The following HUNK variants were observed in gnomAD, a reference collection of about 807,000 sequenced individuals.
HUNK encodes hormonally up-regulated Neu-associated kinase, also known as hormonally up-regulated neu tumor-associated kinase.
In HUNK, 21 loss-of-function variants were observed where a neutral mutation model predicts 61.0. The observed-to-expected ratio is 0.34, with a 90% CI of 0.24 to 0.50. HUNK has a LOEUF of 0.50. Among genes scored for constraint, HUNK ranks in the 20% least tolerant of loss-of-function variants. The probability of loss-of-function intolerance (pLI) is 0.98; values close to 1 mark genes in which losing one functional copy is unlikely to be tolerated. For missense variants in HUNK, 772 were observed against 945.7 expected (o/e 0.82, Z 2.41); for synonymous variants, 371 against 386.1 (o/e 0.96, Z 0.46).
At chr21:31,880,281 C>T (rs927709509) in intron 1 of HUNK, among the ~76,000 whole-genome samples, 6 of 152,186 alleles carry the variant, frequency 3.9e-5, no homozygotes, top group African/African-American at 7.2e-5. Context: ...TAGATCTTCT[C>T]TCTGACATTC....
At chr21:31,973,405 T>C (rs1047630802) in intron 6 of HUNK, among the ~76,000 whole-genome samples, 1 of 152,044 alleles carries the variant, frequency 6.6e-6, no homozygotes, top group Non-Finnish European at 1.5e-5. Context: ...GAAGATGCGG[T>C]GTTTGGTTTT....
At chr21:31,944,360 T>C (rs1003201739) in intron 3 of HUNK, among the ~76,000 whole-genome samples, 10 of 152,262 alleles carry the variant, frequency 6.6e-5, no homozygotes, top group African/African-American at 2.4e-4. Context: ...ATTACAGGCA[T>C]GGGCCACTGT....
chr21:31,931,068 C>CAAAAA (rs10673838), intron 2 of HUNK, among the ~76,000 whole-genome samples: 18 of 75,098 alleles, frequency 2.4e-4, no homozygotes, highest in Admixed American at 7.8e-4. Context: ...AAGACCTAAC[C>CAAAAA]AAAAAAAAAA....
chr21:31,969,879 A>AT (rs1261164016), intron 6 of HUNK, among the ~76,000 whole-genome samples: 1 of 151,858 alleles, frequency 6.6e-6, no homozygotes, highest in Admixed American at 6.6e-5. Context: ...TTCCTTGTAT[A>AT]TTTTTTTCTA....
chr21:31,909,610 G>A lies in HUNK; in HGVS notation c.262-14858G>A, dbSNP rs1245563566. ...CAGCAGCAGGAGGGTGGCCAGTGGG[G>A]AGCCAGGGGTCAGAGGCAGTTGAGC... On this transcript the variant is annotated intron_variant, in intron 1 of 10. Transcript: ENST00000270112. 2.0e-5 allele frequency among the ~76,000 whole-genome samples: 3 copies of A among 152,210 alleles called. No homozygotes were observed. The East Asian group carries it at 5.8e-4, about 29-fold the overall frequency.
intron 5 of HUNK, 115 bp downstream of exon 5, chr21:31,959,085 A>G (rs768781120): frequency 6.3e-6 from 7 of 1,116,446 alleles, no homozygotes; most frequent in Non-Finnish European, 8.4e-6. Context: ...TCCCATGGTT[A>G]TAAGTTTCTT....
At chr21:31,996,611 A>G (rs1601415700) in intron 10 of HUNK, among the ~76,000 whole-genome samples, 1 of 152,200 alleles carries the variant, frequency 6.6e-6, no homozygotes, top group Admixed American at 6.5e-5. Context: ...AGAAACGCCA[A>G]GAGGGGACAC....
rs189796280 is a variant in HUNK, at chr21:31,923,034, G to A, written c.262-1434G>A. Among the ~76,000 whole-genome samples the A allele has an allele frequency of 2.8e-3, 431 of 152,288 alleles. 3 individuals are homozygous for A. The highest frequency in any genetic ancestry group is 0.027 in the Middle Eastern group (8 of 294). On this transcript the variant is annotated intron_variant, in intron 1 of 10. Transcript: ENST00000270112. Reference sequence around the variant, plus strand: ...GGGCAGTGGTTGGAATGAACCAGGCGGGTGGTGTAGGGGAACAGAGAGGAA... The same window carrying A: ...GGGCAGTGGTTGGAATGAACCAGGCAGGTGGTGTAGGGGAACAGAGAGGAA...
intron 2 of HUNK, among the ~76,000 whole-genome samples, chr21:31,927,105 A>G (rs1269249214): frequency 1.3e-5 from 2 of 151,698 alleles, no homozygotes; most frequent in African/African-American, 4.8e-5. Context: ...CAGTGGCACA[A>G]TCTCGGCTCA....
At chr21:31,921,062 G>C (rs2052618800) in intron 1 of HUNK, among the ~76,000 whole-genome samples, 1 of 143,520 alleles carries the variant, frequency 7.0e-6, no homozygotes. Flanking sequence ...TGAGGCAGGA[G>C]AATTGCTTGA....
At chr21:31,997,190 A>G (rs895296244) in intron 10 of HUNK, among the ~76,000 whole-genome samples, 101 of 152,360 alleles carry the variant, frequency 6.6e-4, no homozygotes, top group Admixed American at 8.5e-4. Flanking sequence ...CTTATTCCGC[A>G]TGAACTTGGC....
At chr21:31,876,376 A>G (rs971835706) in intron 1 of HUNK, among the ~76,000 whole-genome samples, 3 of 152,232 alleles carry the variant, frequency 2.0e-5, no homozygotes, top group African/African-American at 4.8e-5. Context: ...TAAAGAAACA[A>G]TGGTGTCATT....
chr21:31,965,593 TC>T (rs372129116), intron 5 of HUNK, among the ~76,000 whole-genome samples: 1 of 130,016 alleles, frequency 7.7e-6, no homozygotes, highest in Non-Finnish European at 1.6e-5. Context: ...TCTTTGTTTT[TC>T]TTTTTTTTTT....
chr21:31,906,332 A>G (rs1024646006), intron 1 of HUNK, among the ~76,000 whole-genome samples: 1 of 152,228 alleles, frequency 6.6e-6, no homozygotes, highest in Non-Finnish European at 1.5e-5. Flanking sequence ...TTTAATTCTC[A>G]TTACAAATGT....
intron 1 of HUNK, among the ~76,000 whole-genome samples, chr21:31,917,954 G>A (rs369582775): frequency 2.8e-4 from 42 of 152,164 alleles, no homozygotes; most frequent in African/African-American, 1.0e-3. Context: ...AAACTCCCCC[G>A]ACTCAAGTAG....
chr21:31,959,097 C>A, intron 5 of HUNK, 127 bp downstream of exon 5: 1 of 1,020,718 alleles, frequency 9.8e-7, no homozygotes, highest in South Asian at 2.7e-5. Flanking sequence ...AAGTTTCTTT[C>A]TAGTGTTAAA....
At chr21:31,897,182 G>A (rs552221223) in intron 1 of HUNK, among the ~76,000 whole-genome samples, 1 of 151,530 alleles carries the variant, frequency 6.6e-6, no homozygotes, top group South Asian at 2.1e-4. Flanking sequence ...GGAGGTGGAG[G>A]CTGCGGTGAG....
intron 4 of HUNK, among the ~76,000 whole-genome samples, chr21:31,958,158 A>G (rs917455520): frequency 6.6e-6 from 1 of 151,948 alleles, no homozygotes; most frequent in African/African-American, 2.4e-5. Flanking sequence ...TCTTCCTGCC[A>G]TAACATTCGG....
chr21:31,957,227 A>C (rs900092367), intron 4 of HUNK, among the ~76,000 whole-genome samples: 12 of 152,212 alleles, frequency 7.9e-5, no homozygotes, highest in African/African-American at 2.9e-4. Flanking sequence ...CCCCACTCAA[A>C]ACCCAAGAGG....
Sources: allele counts gnomAD v4.1 joint callset (sites outside exome capture counted in the v4.1 genomes callset), GRCh38; gene constraint gnomAD v4.1.1; transcripts MANE v1.5; gene names NCBI Gene and HGNC (gene_info 2026-07-23, HGNC 2026-07-21).